The following DNAAF9 variants were observed in gnomAD, a reference collection of about 807,000 sequenced individuals.
DNAAF9 encodes dynein axonemal assembly factor 9.
DNAAF9 carries 90 observed loss-of-function variants against 167.0 expected under a neutral mutation model. That is an observed-to-expected ratio of 0.54 (90% CI 0.45 to 0.64). The LOEUF (loss-of-function observed/expected upper bound fraction) is 0.64. Ranked by LOEUF, DNAAF9 falls within the 30% of genes least tolerant of loss-of-function variation. The pLI, the probability that DNAAF9 is intolerant of heterozygous loss-of-function variation, is 0.00. For missense variants in DNAAF9, 1,315 were observed against 1,442.2 expected (o/e 0.91, Z 1.43); for synonymous variants, 491 against 508.8 (o/e 0.96, Z 0.47).
chr20:3,372,556 ACTTCATAGTGT>A (rs1401238840), intron 6 of DNAAF9, among the ~76,000 whole-genome samples: 1 of 152,168 alleles, frequency 6.6e-6, no homozygotes, highest in East Asian at 1.9e-4. Flanking sequence ...TTTGAATGTG[ACTTCATAGTGT>A]GATGCACCTT....
At chr20:3,278,691 T>A (rs2068713719) in intron 29 of DNAAF9, among the ~76,000 whole-genome samples, 1 of 151,988 alleles carries the variant, frequency 6.6e-6, no homozygotes, top group African/African-American at 2.4e-5. Flanking sequence ...TGCACTCCAA[T>A]CTGGGCGACA....
chr20:3,303,962 C>T lies in DNAAF9; in HGVS notation c.1782+478G>A, dbSNP rs145280228. On this transcript the variant is annotated intron_variant, in intron 21 of 36. Transcript: ENST00000252032. ...TGAGGGAGGAGGGGCTAAACTCTCA[C>T]GGGGAAAGTGAGCCATTTCTCTCCC... is the stretch of plus-strand genomic sequence containing the variant. Among the ~76,000 whole-genome samples the T allele has an allele frequency of 1.8e-4, 27 of 152,302 alleles. 1 individual carries two copies. The East Asian group carries it at 5.2e-3, about 29-fold the overall frequency.
chr20:3,332,474 GAC>G (rs1337846599), intron 10 of DNAAF9, 113 bp from the exon 11 acceptor site: 2 of 557,006 alleles, frequency 3.6e-6, no homozygotes, highest in Non-Finnish European at 6.4e-6. Flanking sequence ...TTTTTTTTGA[GAC>G]AGAGTCTTAC....
At chr20:3,402,574 A>T (rs61475372) in intron 1 of DNAAF9, among the ~76,000 whole-genome samples, 56,485 of 151,404 alleles carry the variant, frequency 0.37, 10,821 homozygotes, top group Middle Eastern at 0.54. Context: ...CTTCTATAAG[A>T]TCAACTTTTT....
intron 17 of DNAAF9, 97 bp from the exon 18 acceptor site, chr20:3,316,890 C>CTTT (rs11424663): frequency 5.7e-3 from 1,434 of 250,064 alleles, no homozygotes; most frequent in Non-Finnish European, 6.4e-3. Flanking sequence ...AGCTAGGGTT[C>CTTT]TTTTTTTTTT....
intron 3 of DNAAF9, among the ~76,000 whole-genome samples, chr20:3,377,458 T>G (rs1410074942): frequency 1.3e-5 from 2 of 151,742 alleles, no homozygotes; most frequent in African/African-American, 4.9e-5. Flanking sequence ...TCTTAAGATC[T>G]GTTTTCTTTC....
rs754627941 is a variant in DNAAF9 at position 3,315,685 on chromosome 20, A to G, written c.1590+50T>C. ...ATTTTAATACCTTTATGAATTGCTT[A>G]CATTATTTTTTGATATAATGTTCAC... On this transcript the variant is annotated intron_variant, in intron 19 of 36. Transcript: ENST00000252032. This position sits in a 1 kb window ranked among gnomAD's most constrained non-coding sequence, Gnocchi z 4.1. 1 of 1,394,092 alleles carries G rather than the reference A, an allele frequency of 7.2e-7. No individual in the cohort carries two copies. Among genetic ancestry groups the G allele is most frequent in the South Asian group, 1.2e-5 (1 of 86,740 alleles). The allele number at this position is 1,394,092 out of a possible 1,614,324, so 86.4% of individuals were successfully genotyped here.
chr20:3,290,691 T>G (rs1002663335), intron 25 of DNAAF9, among the ~76,000 whole-genome samples: 14 of 151,746 alleles, frequency 9.2e-5, no homozygotes, highest in African/African-American at 2.9e-4. Flanking sequence ...CAGGCTACAC[T>G]GGTGTAGTAA....
intron 27 of DNAAF9, among the ~76,000 whole-genome samples, chr20:3,282,643 C>T (rs916052538): frequency 1.3e-5 from 2 of 152,196 alleles, no homozygotes; most frequent in African/African-American, 4.8e-5. Context: ...TATGATCTGA[C>T]CCCCTATGGA....
Position 3,407,465 on chromosome 20 carries a change from C to A in DNAAF9, c.83+10G>T. On this transcript the variant is annotated intron_variant, in intron 1 of 36. Transcript: ENST00000252032. ...CCCGGCCGCCCCTCGGCTGCCTCTG[C>A]CCCGCGTACCTGACGGAGGGTGACC... 1.5e-6 allele frequency: 2 copies of A among 1,311,178 alleles called. No individual in the cohort carries two copies. The highest frequency in any genetic ancestry group is 1.9e-6 in the Non-Finnish European group (2 of 1,032,864). The allele number at this position is 1,311,178 out of a possible 1,614,324, so 81.2% of individuals were successfully genotyped here. A position where few individuals can be genotyped will look rare whatever the true frequency, so the allele number is the denominator to read the frequency against.
At chr20:3,305,969 C>T (rs1231592882) in intron 20 of DNAAF9, among the ~76,000 whole-genome samples, 3 of 152,142 alleles carry the variant, frequency 2.0e-5, no homozygotes, top group Non-Finnish European at 2.9e-5. Flanking sequence ...CTGTACCAAC[C>T]CTAAAGTTCC....
Position 3,256,071 on chromosome 20 carries a change from C to A in DNAAF9, c.3196G>T (p.Val1066Leu), listed in dbSNP as rs1459091472. The A allele has an allele frequency of 6.2e-7, 1 of 1,614,044 alleles. No homozygotes were observed. Among genetic ancestry groups the A allele is most frequent in the Non-Finnish European group, 8.5e-7 (1 of 1,180,024 alleles). Residue 1066 changes from valine to leucine, a missense_variant, in exon 34 of 37, where the codon GTG (valine) becomes TTG (leucine). By Grantham distance (32) the Val-to-Leu change is conservative. Transcript: ENST00000252032. The part of the protein sequence containing the change: ...DSSGQQECYL[V>L]FIGCSLKEDS... Reference sequence around the variant, plus strand: ...TCCTTCAGGGAGCAGCCGATGAACACAAGGTAGCACTCCTGCTGCCCGCTG... The same window carrying A: ...TCCTTCAGGGAGCAGCCGATGAACAAAAGGTAGCACTCCTGCTGCCCGCTG...
chr20:3,287,900 T>G, intron 26 of DNAAF9, 110 bp from the exon 27 acceptor site: 1 of 971,286 alleles, frequency 1.0e-6, no homozygotes, highest in Non-Finnish European at 1.6e-6. Flanking sequence ...TTCTGCCCAG[T>G]GAATCCATTC....
chr20:3,319,262 C>CAAA lies in DNAAF9; in HGVS notation c.1357-865_1357-863dup, dbSNP rs57727958. ...TGGGCAACGGACCGAGACCCCGTCT[C>CAAA]AAAAAAAAAAAAAAAAAAAAAAAAA... On this transcript the variant is annotated intron_variant, in intron 16 of 36. Transcript: ENST00000252032. Among the ~76,000 whole-genome samples, 318 of 41,522 alleles carry CAAA rather than the reference C, an allele frequency of 7.7e-3. 58 individuals are homozygous for CAAA. Among genetic ancestry groups the CAAA allele is most frequent in the Non-Finnish European group, 9.6e-3 (183 of 19,132 alleles). 27.2% of individuals were successfully genotyped at this position (41,522 alleles called of 152,430 possible).
chr20:3,275,373 T>C (rs1398867750), intron 29 of DNAAF9, among the ~76,000 whole-genome samples: 1 of 152,168 alleles, frequency 6.6e-6, no homozygotes, highest in Admixed American at 6.5e-5. Flanking sequence ...CTAGTGCAAA[T>C]GTGGCCATAT....
chr20:3,283,827 G>A (rs1390649075), intron 27 of DNAAF9, among the ~76,000 whole-genome samples: 1 of 152,214 alleles, frequency 6.6e-6, no homozygotes, highest in Non-Finnish European at 1.5e-5. Context: ...AAGGACAACG[G>A]AAAAGGATTC....
chr20:3,304,622 T>C, intron 20 of DNAAF9, 79 bp from the exon 21 acceptor site: 1 of 726,850 alleles, frequency 1.4e-6, no homozygotes, highest in South Asian at 1.5e-5. Flanking sequence ...TGTACAGCAG[T>C]GTGGTAACTA....
chr20:3,392,551 C>T (rs2083841283), intron 1 of DNAAF9, among the ~76,000 whole-genome samples: 1 of 152,218 alleles, frequency 6.6e-6, no homozygotes, highest in Admixed American at 6.5e-5. Context: ...CTGAACCCCA[C>T]TGTTTTCCTG....
intron 1 of DNAAF9, among the ~76,000 whole-genome samples, chr20:3,395,197 T>C: frequency 7.0e-6 from 1 of 142,090 alleles, no homozygotes; most frequent in African/African-American, 2.8e-5. Context: ...GGTCTCGATC[T>C]CCTGACCTCG....
Sources: allele counts gnomAD v4.1 joint callset (sites outside exome capture counted in the v4.1 genomes callset), GRCh38; gene constraint gnomAD v4.1.1; non-coding constraint Gnocchi (gnomAD v3.1); transcripts MANE v1.5; gene names NCBI Gene and HGNC (gene_info 2026-07-23, HGNC 2026-07-21).